The following EPHB1 variants were observed in gnomAD, a reference collection of about 807,000 sequenced individuals.
The protein encoded by EPHB1 is ephrin type-B receptor 1.
EPHB1 carries 30 observed loss-of-function variants against 94.4 expected under a neutral mutation model. The observed-to-expected ratio is 0.32, with a 90% CI of 0.24 to 0.43. The LOEUF (loss-of-function observed/expected upper bound fraction) is 0.43. EPHB1 is among the 20% of genes least tolerant of loss of function. EPHB1 has a pLI of 1.00. For synonymous variants in EPHB1, 522 were observed against 489.1 expected, an observed-to-expected ratio of 1.07 and a Z score of -0.89; for missense variants, 1,055 against 1,308.3, an observed-to-expected ratio of 0.81 and a Z score of 2.99.
chr3:135,166,337 C>T (rs535171431), intron 8 of EPHB1, among the ~76,000 whole-genome samples: 26 of 152,216 alleles, frequency 1.7e-4, no homozygotes, highest in Non-Finnish European at 3.7e-4. Context: ...CCCTCTTACA[C>T]ACAATGGCTT....
chr3:135,072,292 G>A (rs796815979), intron 3 of EPHB1, among the ~76,000 whole-genome samples: 3 of 152,300 alleles, frequency 2.0e-5, no homozygotes, highest in African/African-American at 7.2e-5. Flanking sequence ...GCTGAGACAG[G>A]AGAAACGCTT....
intron 3 of EPHB1, among the ~76,000 whole-genome samples, chr3:134,967,635 A>G (rs1933812384): frequency 6.6e-6 from 1 of 152,192 alleles, no homozygotes; most frequent in African/African-American, 2.4e-5. Context: ...CCCACCAGCA[A>G]GAAGGCCCTC....
At chr3:134,803,045 C>T (rs375059544) in intron 1 of EPHB1, among the ~76,000 whole-genome samples, 2 of 152,318 alleles carry the variant, frequency 1.3e-5, no homozygotes, top group East Asian at 1.9e-4. Flanking sequence ...GAAATCCCAG[C>T]ACCTGCAGAC....
chr3:135,054,158 A>G (rs1448612955), intron 3 of EPHB1, among the ~76,000 whole-genome samples: 1 of 151,964 alleles, frequency 6.6e-6, no homozygotes. Flanking sequence ...TATCCCCCAT[A>G]ATGTAGATGG....
intron 6 of EPHB1, among the ~76,000 whole-genome samples, chr3:135,155,159 A>G (rs1941312077): frequency 6.6e-6 from 1 of 152,204 alleles, no homozygotes; most frequent in Admixed American, 6.5e-5. Flanking sequence ...TAAGAAAATC[A>G]TATAGTGTGT....
At chr3:135,073,688 T>A (rs1937805932) in intron 3 of EPHB1, among the ~76,000 whole-genome samples, 2 of 152,208 alleles carry the variant, frequency 1.3e-5, no homozygotes, top group Admixed American at 1.3e-4. Flanking sequence ...TAAGTTTATT[T>A]GAATCAGGCT....
At chr3:134,993,819 A>G (rs1471988215) in intron 3 of EPHB1, among the ~76,000 whole-genome samples, 2 of 152,242 alleles carry the variant, frequency 1.3e-5, no homozygotes, top group Non-Finnish European at 2.9e-5. Context: ...TGCCAGCTTC[A>G]TTCACATCTT....
intron 10 of EPHB1, among the ~76,000 whole-genome samples, chr3:135,191,849 TGCAGAGGCCCAGCTCTTCCCA>T (rs1279629147): frequency 6.6e-6 from 1 of 152,234 alleles, no homozygotes; most frequent in Non-Finnish European, 1.5e-5. Context: ...CCGGCTTTCC[TGCAGAGGCCCAGCTCTTCCCA>T]GCAGCCCCCA....
chr3:135,221,248 C>A (rs1045590877), intron 12 of EPHB1, among the ~76,000 whole-genome samples: 3 of 152,168 alleles, frequency 2.0e-5, no homozygotes, highest in African/African-American at 7.2e-5. Context: ...TCCCAATTTT[C>A]TTCCCATTGC....
At chr3:135,041,880 C>A (rs937899950) in intron 3 of EPHB1, among the ~76,000 whole-genome samples, 1 of 148,870 alleles carries the variant, frequency 6.7e-6, no homozygotes, top group African/African-American at 2.6e-5. Flanking sequence ...GGCACCTGCA[C>A]ACATGAGAGA....
At chr3:135,180,811 TA>T (rs1179464009) in intron 10 of EPHB1, among the ~76,000 whole-genome samples, 1 of 152,244 alleles carries the variant, frequency 6.6e-6, no homozygotes, top group Non-Finnish European at 1.5e-5. Context: ...TGAACCTTTT[TA>T]AAAGATGTGT....
At chr3:135,233,701 A>G (rs974161444) in intron 12 of EPHB1, among the ~76,000 whole-genome samples, 1 of 152,178 alleles carries the variant, frequency 6.6e-6, no homozygotes, top group Non-Finnish European at 1.5e-5. Flanking sequence ...TGAGGGCTCT[A>G]CCCCTGCAGC....
At position 134,951,027 on chromosome 3, in the gene EPHB1, G is replaced by A. The variant is rs753944557; in HGVS notation, c.124-344G>A. The stretch of plus-strand genomic sequence containing the variant: ...CTTTTAGAGCAGGTACTGTGGAAGT[G>A]AGGAAGAAAGTCCCTGCCATCACAT... On this transcript the variant is annotated intron_variant, in intron 2 of 15. Transcript: ENST00000398015. The surrounding 1 kb of genome is among the most constrained non-coding windows in gnomAD (Gnocchi z 4.5). 1.6e-4 allele frequency among the ~76,000 whole-genome samples: 24 copies of A among 152,202 alleles called. No homozygotes were observed. Among genetic ancestry groups the A allele is most frequent in the Non-Finnish European group, 2.8e-4 (19 of 68,034 alleles).
chr3:134,935,138 C>G (rs2038977326), intron 2 of EPHB1, among the ~76,000 whole-genome samples: 1 of 152,178 alleles, frequency 6.6e-6, no homozygotes, highest in Admixed American at 6.5e-5. Context: ...GGACACAGGG[C>G]TCCTGACAAA....
intron 3 of EPHB1, among the ~76,000 whole-genome samples, chr3:135,074,316 T>C (rs1485769245): frequency 4.6e-5 from 7 of 152,222 alleles, no homozygotes; most frequent in Non-Finnish European, 1.0e-4. Flanking sequence ...TTTCAATCAA[T>C]GGATATTTGT....
chr3:135,002,724 A>C (rs1315864066), intron 3 of EPHB1, among the ~76,000 whole-genome samples: 1 of 152,190 alleles, frequency 6.6e-6, no homozygotes, highest in East Asian at 1.9e-4. Context: ...CATTTCTTCT[A>C]GATTTTCTAG....
chr3:135,093,935 G>A (rs1050846674), intron 3 of EPHB1, among the ~76,000 whole-genome samples: 1 of 152,150 alleles, frequency 6.6e-6, no homozygotes, highest in Non-Finnish European at 1.5e-5. Flanking sequence ...ATGGGGTCAT[G>A]ATTTTCCATT....
At chr3:135,080,344 G>A (rs986790389) in intron 3 of EPHB1, among the ~76,000 whole-genome samples, 1 of 151,956 alleles carries the variant, frequency 6.6e-6, no homozygotes, top group African/African-American at 2.4e-5. Flanking sequence ...AGGGGGAGGG[G>A]TGCAGGAGGA....
At chr3:135,212,178 C>T (rs1205262830) in intron 12 of EPHB1, among the ~76,000 whole-genome samples, 1 of 152,064 alleles carries the variant, frequency 6.6e-6, no homozygotes, top group East Asian at 1.9e-4. Flanking sequence ...TTATAGTTTT[C>T]AGAATCTCAG....
Sources: gnomAD v4.1 joint callset for allele counts (sites outside exome capture counted in the v4.1 genomes callset) on GRCh38, gnomAD v4.1.1 for gene constraint, Gnocchi (gnomAD v3.1) non-coding constraint, MANE v1.5 for transcripts, NCBI Gene and HGNC (gene_info 2026-07-23, HGNC 2026-07-21) for gene names.